WDR19: variants seen among roughly 807,000 people sequenced by gnomAD.
WDR19 encodes WD repeat-containing protein 19.
In WDR19, 121 loss-of-function variants were observed where a neutral mutation model predicts 180.0. That is an observed-to-expected ratio of 0.67 (90% CI 0.58 to 0.78). The LOEUF is 0.78. Among genes scored for constraint, WDR19 ranks in the 30% least tolerant of loss-of-function variants. WDR19 has a pLI of 0.00. For missense variants in WDR19, 1,450 were observed against 1,640.7 expected (o/e 0.88, Z 2.01); for synonymous variants, 497 against 540.7 (o/e 0.92, Z 1.12).
intron 15 of WDR19, among the ~76,000 whole-genome samples, chr4:39,227,929 T>TC: frequency 6.6e-6 from 1 of 152,354 alleles, no homozygotes; most frequent in Middle Eastern, 3.4e-3. Flanking sequence ...TAATTTTTTT[T>TC]CCTTAACCTG....
intron 18 of WDR19, 23 bp from the exon 19 acceptor site, chr4:39,232,137 TCA>T: frequency 6.3e-7 from 1 of 1,584,788 alleles, no homozygotes; most frequent in Admixed American, 1.8e-5. Flanking sequence ...ATTTTTTTTC[TCA>T]TCAGAATTGC....
At chr4:39,275,059 GC>G (rs1168194425) in intron 33 of WDR19, 101 bp downstream of exon 33, 7 of 1,441,520 alleles carry the variant, frequency 4.9e-6, no homozygotes, top group Non-Finnish European at 6.6e-6. Flanking sequence ...ACGGTGGGGG[GC>G]CAGGTGCAGT....
At chr4:39,278,429 C>A in intron 35 of WDR19, 110 bp from the exon 36 acceptor site, 2 of 851,154 alleles carry the variant, frequency 2.3e-6, no homozygotes, top group Non-Finnish European at 3.7e-6. Flanking sequence ...GCATGGTGGA[C>A]ATGTGTTAAG....
chr4:39,232,680 T>TG (rs1730999278), intron 19 of WDR19, among the ~76,000 whole-genome samples: 1 of 149,286 alleles, frequency 6.7e-6, no homozygotes, highest in African/African-American at 2.5e-5. Flanking sequence ...CCAGCCTGGG[T>TG]GACAGAGCGA....
intron 27 of WDR19, among the ~76,000 whole-genome samples, chr4:39,257,234 G>A (rs1733849970): frequency 6.6e-6 from 1 of 152,164 alleles, no homozygotes; most frequent in South Asian, 2.1e-4. Context: ...TCTTCCTACT[G>A]AAAAGGGCAC....
chr4:39,218,027 G>A lies in WDR19; in HGVS notation c.1401G>A (p.Arg467=), dbSNP rs1482326644. The A allele has an allele frequency of 3.7e-6, 6 of 1,613,912 alleles. 1 individual carries two copies. The South Asian group carries it at 6.6e-5, about 18-fold the overall frequency. Residue 467 remains arginine, a synonymous_variant, in exon 14 of 37, where the codon CGG becomes CGA. Transcript: ENST00000399820. ...ATGCTCAAGAAGAACGTGAGACTCG[G>A]CTTTTCCCAGCAGTGGATGATAAGT... The part of the protein sequence containing the change: ...ILDAQEERET[R]LFPAVDDKCR...
intron 27 of WDR19, among the ~76,000 whole-genome samples, chr4:39,256,438 C>T (rs1319516183): frequency 6.6e-6 from 1 of 152,190 alleles, no homozygotes; most frequent in African/African-American, 2.4e-5. Flanking sequence ...CTGAATGGCA[C>T]ATGTCTTAAG....
In WDR19 at chr4:39,245,403, TCTC is replaced by T; in HGVS notation, c.2683_2685del (p.Pro895del). On this transcript the variant is annotated inframe_deletion, in exon 24 of 37. Coordinates refer to ENST00000399820, the MANE Select transcript of WDR19 (RefSeq NM_025132.4). Reference sequence around the variant, plus strand: ...TGGTGATCTTCTGCCCCACGTTTCTTCTCCTAAGATCCATTTGCAGTATGCCAA... The same window carrying T: ...TGGTGATCTTCTGCCCCACGTTTCTTCTAAGATCCATTTGCAGTATGCCAA... The T allele has an allele frequency of 1.9e-6, 3 of 1,613,740 alleles. No homozygotes were observed. The highest frequency in any genetic ancestry group is 1.3e-5 in the African/African-American group (1 of 75,032).
chr4:39,185,899 GTTGT>G (rs1725474892), intron 2 of WDR19, 82 bp downstream of exon 2: 18 of 797,158 alleles, frequency 2.3e-5, no homozygotes, highest in East Asian at 7.8e-5. Context: ...TTTTTTTGTT[GTTGT>G]TTTTTTTTTT....
chr4:39,272,884 G>A, intron 31 of WDR19, 96 bp from the exon 32 acceptor site: 2 of 995,484 alleles, frequency 2.0e-6, no homozygotes, highest in Non-Finnish European at 3.0e-6. Context: ...CAGTGACCCT[G>A]GGCCATCATC....
At chr4:39,256,004 A>C in intron 27 of WDR19, 44 bp downstream of exon 27, 1 of 1,324,572 alleles carries the variant, frequency 7.5e-7, no homozygotes, top group Non-Finnish European at 1.1e-6. Flanking sequence ...CGCAGGAATA[A>C]TTGTAGGAAA....
chr4:39,263,499 G>T (rs528525690), intron 28 of WDR19, among the ~76,000 whole-genome samples: 3 of 151,846 alleles, frequency 2.0e-5, no homozygotes, highest in Non-Finnish European at 4.4e-5. Context: ...CATTCCATCC[G>T]CACCCTGCCG....
chr4:39,203,806 T>G, intron 7 of WDR19, 84 bp downstream of exon 7: 1 of 1,249,068 alleles, frequency 8.0e-7, no homozygotes, highest in Non-Finnish European at 1.1e-6. Context: ...ATGACTAAAA[T>G]AGTGATAAAT....
At chr4:39,283,385 C>A (rs1008611157) in intron 36 of WDR19, among the ~76,000 whole-genome samples, 5 of 110,564 alleles carry the variant, frequency 4.5e-5, no homozygotes, top group African/African-American at 2.0e-4. Flanking sequence ...CAATTTTCCT[C>A]TGTTGTGTTT....
chr4:39,272,629 T>C (rs1313610588), intron 31 of WDR19, among the ~76,000 whole-genome samples: 1 of 152,238 alleles, frequency 6.6e-6, no homozygotes, highest in East Asian at 1.9e-4. Context: ...GATCATTCTC[T>C]CTCTCTCTAC....
intron 23 of WDR19, among the ~76,000 whole-genome samples, chr4:39,244,988 T>A (rs1420329469): frequency 6.7e-6 from 1 of 149,286 alleles, no homozygotes; most frequent in African/African-American, 2.5e-5. Context: ...CAGGCTGAAG[T>A]GCAGCTGGCA....
At position 39,277,065 on chromosome 4, in the gene WDR19, A is replaced by C. The variant is rs373260857; in HGVS notation, c.3762A>C (p.Pro1254=). 5.9e-5 allele frequency: 95 copies of C among 1,613,868 alleles called. No individual in the cohort carries two copies. The highest frequency in any genetic ancestry group is 7.7e-5 in the Non-Finnish European group (91 of 1,179,874). Residue 1254 remains proline (P), a synonymous_variant, in exon 34 of 37, where the codon CCA becomes CCC. Coordinates refer to ENST00000399820, the MANE Select transcript of WDR19 (RefSeq NM_025132.4). ...SEIEEATTPC[P]FCKFLLPECE... The stretch of plus-strand genomic sequence containing the variant: ...TAGAAGAGGCCACGACTCCATGTCC[A>C]TTCTGCAAATTTCTTCTCCCAGAGT...
chr4:39,241,419 A>C (rs1192818271), intron 21 of WDR19, among the ~76,000 whole-genome samples: 1 of 149,092 alleles, frequency 6.7e-6, no homozygotes, highest in South Asian at 2.1e-4. Flanking sequence ...GCTTGAACCC[A>C]GAAGGCGGAG....
intron 24 of WDR19, among the ~76,000 whole-genome samples, chr4:39,252,124 A>G (rs1160128047): frequency 6.6e-6 from 1 of 151,854 alleles, no homozygotes; most frequent in Non-Finnish European, 1.5e-5. Context: ...TCCAACAATG[A>G]TAGACTGGAT....
Sources: gnomAD v4.1 joint callset for allele counts (sites outside exome capture counted in the v4.1 genomes callset) on GRCh38, gnomAD v4.1.1 for gene constraint, MANE v1.5 for transcripts, NCBI Gene and HGNC (gene_info 2026-07-23, HGNC 2026-07-21) for gene names.